Variants in GNAT3 observed in about 807,000 individuals in gnomAD.
The protein encoded by GNAT3 is guanine nucleotide-binding protein G(t) subunit alpha-3.
In GNAT3, 31 loss-of-function variants were observed where a neutral mutation model predicts 37.7. The ratio of observed to expected loss-of-function variants is 0.82; its 90% confidence interval spans 0.62 to 1.11. The LOEUF is 1.11. Ranked by LOEUF, GNAT3 falls within the 50% of genes most tolerant of loss-of-function variation. The pLI is 0.00. For synonymous variants in GNAT3, 138 were observed against 139.8 expected, an observed-to-expected ratio of 0.99 and a Z score of 0.09; for missense variants, 437 against 412.5, an observed-to-expected ratio of 1.06 and a Z score of -0.51.
intron 1 of GNAT3, among the ~76,000 whole-genome samples, chr7:80,495,855 G>A (rs1398232534): frequency 6.6e-6 from 1 of 152,028 alleles, no homozygotes; most frequent in Non-Finnish European, 1.5e-5. Flanking sequence ...TGTCTTCTTT[G>A]AAAAATATCT....
chr7:80,488,724 A>G (rs1008759241), intron 2 of GNAT3, 48 bp from the exon 3 acceptor site: 2 of 1,389,884 alleles, frequency 1.4e-6, no homozygotes, highest in African/African-American at 2.9e-5. Context: ...AATTGATTGT[A>G]ACACTAAAGC....
chr7:80,509,891 A>G (rs1178716043), intron 1 of GNAT3, among the ~76,000 whole-genome samples: 2 of 152,160 alleles, frequency 1.3e-5, no homozygotes, highest in African/African-American at 4.8e-5. Flanking sequence ...GTCCAACACG[A>G]TATGTTGAAG....
intron 1 of GNAT3, among the ~76,000 whole-genome samples, chr7:80,501,252 G>A (rs910047269): frequency 6.6e-6 from 1 of 151,818 alleles, no homozygotes; most frequent in Non-Finnish European, 1.5e-5. Context: ...ATAGTGTTAT[G>A]GAAGCCCGCA....
chr7:80,483,297 A>G (rs151230042), intron 3 of GNAT3, among the ~76,000 whole-genome samples: 1 of 152,060 alleles, frequency 6.6e-6, no homozygotes, highest in East Asian at 1.9e-4. Flanking sequence ...TCCATTCTTG[A>G]TGTTCTTCTG....
intron 2 of GNAT3, among the ~76,000 whole-genome samples, chr7:80,491,385 A>G (rs1180408760): frequency 1.3e-5 from 2 of 152,172 alleles, no homozygotes; most frequent in Non-Finnish European, 2.9e-5. Context: ...TCTCTAGTTT[A>G]GACAAAGTGT....
At chr7:80,470,014 A>G (rs1296599565) in intron 5 of GNAT3, among the ~76,000 whole-genome samples, 2 of 152,166 alleles carry the variant, frequency 1.3e-5, no homozygotes. Flanking sequence ...TCCAAATTTT[A>G]TTGTTTAAAT....
intron 3 of GNAT3, chr7:80,486,686 ACTGGTCTGGAACTC>A (rs1790490608): frequency 8.0e-6 from 1 of 124,300 alleles, no homozygotes; most frequent in Non-Finnish European, 1.6e-5. Flanking sequence ...TATTGTTCAG[ACTGGTCTGGAACTC>A]CCGGGCTCAA....
At chr7:80,490,118 T>C (rs1790564617) in intron 2 of GNAT3, among the ~76,000 whole-genome samples, 1 of 152,186 alleles carries the variant, frequency 6.6e-6, no homozygotes, top group Non-Finnish European at 1.5e-5. Context: ...GTGCATTTTC[T>C]GTGACATACT....
chr7:80,491,072 A>G (rs1790582069), intron 2 of GNAT3, among the ~76,000 whole-genome samples: 1 of 152,136 alleles, frequency 6.6e-6, no homozygotes, highest in Non-Finnish European at 1.5e-5. Flanking sequence ...AGTTCATGGC[A>G]GTGTGGATAA....
chr7:80,478,949 C>A lies in GNAT3; in HGVS notation c.353G>T (p.Gly118Val). ...YAMANTLEDG[G>V]MTPQLAEVIK... ...TACCTCAGCCAGTTGAGGTGTCATG[C>A]CACCATCTTCCAGGGTATTTGCCAT... The change falls in exon 4 of 8, where the codon GGC becomes GTC. Residue 118 changes from glycine to valine, a missense_variant. Gly to Val is a moderately radical substitution (Grantham distance 109, BLOSUM62 -3). Coordinates refer to ENST00000398291, the MANE Select transcript of GNAT3 (RefSeq NM_001102386.3). The A allele has an allele frequency of 1.2e-6, 2 of 1,612,940 alleles. No homozygotes were observed. Among genetic ancestry groups the A allele is most frequent in the Non-Finnish European group, 1.7e-6 (2 of 1,179,298 alleles).
chr7:80,483,986 A>G (rs1790434757), intron 3 of GNAT3, among the ~76,000 whole-genome samples: 1 of 151,636 alleles, frequency 6.6e-6, no homozygotes, highest in South Asian at 2.1e-4. Flanking sequence ...CATCATTTTT[A>G]TTTTACTTTA....
intron 4 of GNAT3, among the ~76,000 whole-genome samples, chr7:80,478,006 G>A (rs1039031665): frequency 2.0e-5 from 3 of 152,162 alleles, no homozygotes; most frequent in South Asian, 4.1e-4. Flanking sequence ...GACCTCCTGC[G>A]CTCAAGCAAT....
intron 1 of GNAT3, 31 bp downstream of exon 1, chr7:80,511,778 G>GT (rs761647242): frequency 3.5e-6 from 5 of 1,437,426 alleles, no homozygotes; most frequent in Non-Finnish European, 4.8e-6. Context: ...AAAAAGTCAG[G>GT]TTTTTGAAAG....
At chr7:80,488,462 C>A in intron 3 of GNAT3, 73 bp downstream of exon 3, 1 of 1,216,118 alleles carries the variant, frequency 8.2e-7, no homozygotes, top group Non-Finnish European at 1.2e-6. Context: ...ATACTATGAA[C>A]TTATTAAGTC....
At chr7:80,482,380 T>G (rs1433737750) in intron 3 of GNAT3, among the ~76,000 whole-genome samples, 1 of 152,196 alleles carries the variant, frequency 6.6e-6, no homozygotes, top group Non-Finnish European at 1.5e-5. Context: ...GTTTTATCCC[T>G]AAGGAGAAAA....
chr7:80,472,322 GCCCTCCATC>G (rs1790234451), intron 5 of GNAT3, among the ~76,000 whole-genome samples: 1 of 152,074 alleles, frequency 6.6e-6, no homozygotes, highest in African/African-American at 2.4e-5. Context: ...CAATCAGCCA[GCCCTCCATC>G]GCCTTACTGC....
At chr7:80,499,521 T>G (rs929762023) in intron 1 of GNAT3, among the ~76,000 whole-genome samples, 4 of 152,146 alleles carry the variant, frequency 2.6e-5, no homozygotes, top group Non-Finnish European at 5.9e-5. Flanking sequence ...CTGCTGGAAT[T>G]ACAAGCATGA....
At chr7:80,478,350 C>A (rs1219419475) in intron 4 of GNAT3, among the ~76,000 whole-genome samples, 6 of 152,176 alleles carry the variant, frequency 3.9e-5, no homozygotes, top group African/African-American at 1.4e-4. Context: ...CCAAAAGAAT[C>A]TCCTAGTATA....
At chr7:80,463,743 GC>G (rs1278199386) in intron 5 of GNAT3, among the ~76,000 whole-genome samples, 1 of 151,584 alleles carries the variant, frequency 6.6e-6, no homozygotes, top group Non-Finnish European at 1.5e-5. Flanking sequence ...TAACAGGCAT[GC>G]AAAAAATATT....
Sources: gnomAD v4.1 joint callset for allele counts (sites outside exome capture counted in the v4.1 genomes callset) on GRCh38, gnomAD v4.1.1 for gene constraint, MANE v1.5 for transcripts, NCBI Gene and HGNC (gene_info 2026-07-23, HGNC 2026-07-21) for gene names.